VEGFC: variants seen among roughly 807,000 people sequenced by gnomAD.
VEGFC encodes the protein FLT4 ligand DHM.
Under a neutral mutation model 46.1 loss-of-function variants are expected in VEGFC, and 12 were observed. The observed-to-expected ratio is 0.26, with a 90% CI of 0.17 to 0.42. The LOEUF is 0.42. Ranked by LOEUF, VEGFC falls within the 10% of genes least tolerant of loss-of-function variation. The pLI, the probability that VEGFC is intolerant of heterozygous loss-of-function variation, is 1.00. For synonymous variants in VEGFC, 232 were observed against 195.5 expected (o/e 1.19, Z -1.56); for missense variants, 488 against 529.4 (o/e 0.92, Z 0.77).
intron 1 of VEGFC, among the ~76,000 whole-genome samples, chr4:176,751,339 A>G (rs557818602): frequency 4.6e-5 from 7 of 152,122 alleles, no homozygotes; most frequent in Non-Finnish European, 1.0e-4. Context: ...GGCAAAAATC[A>G]TAAGGGACTA....
intron 1 of VEGFC, among the ~76,000 whole-genome samples, chr4:176,773,353 T>C (rs1055845439): frequency 3.9e-5 from 6 of 152,198 alleles, no homozygotes; most frequent in African/African-American, 1.2e-4. Context: ...TTTTAGTTAC[T>C]AGAGAAAAAT....
chr4:176,687,462 G>A lies in VEGFC; in HGVS notation c.870C>T (p.Thr290=), dbSNP rs759858667. 1.9e-6 allele frequency: 3 copies of A among 1,613,788 alleles called. No individual in the cohort carries two copies. Among genetic ancestry groups the A allele is most frequent in the Non-Finnish European group, 2.5e-6 (3 of 1,179,940 alleles). The part of the protein sequence containing the change: ...CGPNKELDEE[T]CQCVCRAGLR... ...GCCCCGCTCTGCAGACACACTGACA[G>A]GTCTCTTCATCCAGCTCCTTGTTTG... is the stretch of plus-strand genomic sequence containing the variant. The change falls in exon 6 of 7, where the codon ACC becomes ACT. Residue 290 remains threonine, a synonymous_variant. Coordinates refer to ENST00000618562, the MANE Select transcript of VEGFC (RefSeq NM_005429.5).
chr4:176,738,285 T>A (rs1735089300), intron 1 of VEGFC, among the ~76,000 whole-genome samples: 1 of 152,032 alleles, frequency 6.6e-6, no homozygotes, highest in Non-Finnish European at 1.5e-5. Context: ...GGCATCACAC[T>A]ACCTGATTTC....
At chr4:176,689,803 A>G (rs570143394) in intron 4 of VEGFC, 26 of 152,372 alleles carry the variant, frequency 1.7e-4, no homozygotes, top group African/African-American at 5.3e-4. Flanking sequence ...GTAACTAGAT[A>G]CAAAGCAACT....
chr4:176,727,744 G>A (rs1347576757), intron 3 of VEGFC, 34 bp downstream of exon 3: 17 of 1,578,178 alleles, frequency 1.1e-5, no homozygotes, highest in Non-Finnish European at 1.3e-5. Flanking sequence ...GATTAAGGGG[G>A]CTCTCGCAGG....
intron 1 of VEGFC, among the ~76,000 whole-genome samples, chr4:176,738,473 T>C (rs1735093397): frequency 6.6e-6 from 1 of 152,086 alleles, no homozygotes; most frequent in African/African-American, 2.4e-5. Flanking sequence ...ATTTAATAAA[T>C]GGTGCTGGGA....
Position 176,735,423 on chromosome 4 carries a change from G to T in VEGFC, c.148-5677C>A, listed in dbSNP as rs577251023. ...TAAAATGACAGCATTCTGACTCATC[G>T]GTCTTTGAACCGATAAGTTTCACTA... On this transcript the variant is annotated intron_variant, in intron 1 of 6. Transcript: ENST00000618562. Among the ~76,000 whole-genome samples, 11 of 151,822 alleles carry T rather than the reference G, an allele frequency of 7.2e-5. No homozygotes were observed. The South Asian group carries it at 1.7e-3, about 23-fold the overall frequency.
rs1467085925 is a variant in VEGFC, at chr4:176,739,999, TCG to T, written c.148-10255_148-10254del. On this transcript the variant is annotated intron_variant, in intron 1 of 6. Coordinates refer to ENST00000618562, the MANE Select transcript of VEGFC (RefSeq NM_005429.5). ...TATATATAACTATATATTCGATATA[TCG>T]AATATATATAACTATATATTCGATA... Among the ~76,000 whole-genome samples the T allele has an allele frequency of 4.7e-3, 100 of 21,394 alleles. 4 individuals carry two copies. The highest frequency in any genetic ancestry group is 0.014 in the South Asian group (4 of 296). The allele number at this position is 21,394 out of a possible 152,430, so 14.0% of individuals were successfully genotyped here.
intron 3 of VEGFC, among the ~76,000 whole-genome samples, chr4:176,722,814 C>T (rs924000167): frequency 3.9e-5 from 6 of 152,016 alleles, no homozygotes; most frequent in Admixed American, 6.6e-5. Flanking sequence ...CTTGCAATTT[C>T]TAAAGCCTAA....
At chr4:176,739,351 AT>A (rs1453753521) in intron 1 of VEGFC, among the ~76,000 whole-genome samples, 1 of 151,864 alleles carries the variant, frequency 6.6e-6, no homozygotes, top group African/African-American at 2.4e-5. Flanking sequence ...ATCATTGCCC[AT>A]CAATGATAGA....
intron 1 of VEGFC, among the ~76,000 whole-genome samples, chr4:176,768,049 C>T (rs73009562): frequency 0.024 from 3,582 of 152,178 alleles, 144 homozygotes; most frequent in African/African-American, 0.082. Flanking sequence ...TTGACCAACT[C>T]GGAGCAATTT....
rs138257760 is a variant in VEGFC at position 176,755,948 on chromosome 4, G to T, written c.148-26202C>A. On this transcript the variant is annotated intron_variant, in intron 1 of 6. Coordinates refer to ENST00000618562, the MANE Select transcript of VEGFC (RefSeq NM_005429.5). ...ATGAATGCTATATTCCTATGCCAGAGATTATTTTATAGATATATTAGTTGA... is the reference window on the plus strand; with the variant it reads ...ATGAATGCTATATTCCTATGCCAGATATTATTTTATAGATATATTAGTTGA... Among the ~76,000 whole-genome samples, 821 of 152,040 alleles carry T rather than the reference G, an allele frequency of 5.4e-3. 6 individuals carry two copies. Among genetic ancestry groups the T allele is most frequent in the African/African-American group, 0.019 (785 of 41,488 alleles).
At chr4:176,713,573 C>T (rs890447706) in intron 3 of VEGFC, among the ~76,000 whole-genome samples, 2 of 152,034 alleles carry the variant, frequency 1.3e-5, no homozygotes, top group Non-Finnish European at 1.5e-5. Flanking sequence ...GAATTTAGGT[C>T]TAGTAGGCAG....
chr4:176,734,318 G>A (rs1455015527), intron 1 of VEGFC, among the ~76,000 whole-genome samples: 2 of 151,682 alleles, frequency 1.3e-5, no homozygotes, highest in Non-Finnish European at 3.0e-5. Flanking sequence ...AAATCCACAT[G>A]GTGTTTGGTT....
At chr4:176,788,591 G>A (rs1736040560) in intron 1 of VEGFC, among the ~76,000 whole-genome samples, 1 of 152,146 alleles carries the variant, frequency 6.6e-6, no homozygotes, top group Admixed American at 6.5e-5. Context: ...AGTACCTGTT[G>A]TTTACTCTCA....
chr4:176,733,975 A>G (rs1044242045), intron 1 of VEGFC, among the ~76,000 whole-genome samples: 12 of 151,956 alleles, frequency 7.9e-5, no homozygotes, highest in African/African-American at 2.9e-4. Flanking sequence ...ACAGGATTTT[A>G]TGAAATTTCT....
At chr4:176,692,056 C>G (rs1193429220) in intron 4 of VEGFC, among the ~76,000 whole-genome samples, 2 of 151,996 alleles carry the variant, frequency 1.3e-5, no homozygotes, top group African/African-American at 4.8e-5. Context: ...CCTGGAAAAT[C>G]GGGTCACTCC....
intron 1 of VEGFC, among the ~76,000 whole-genome samples, chr4:176,763,993 T>A (rs1182898964): frequency 6.6e-6 from 1 of 152,060 alleles, no homozygotes; most frequent in Non-Finnish European, 1.5e-5. Flanking sequence ...AACGGCACAA[T>A]AATTATCAAG....
At chr4:176,761,456 TAA>T (rs766184607) in intron 1 of VEGFC, among the ~76,000 whole-genome samples, 1 of 152,222 alleles carries the variant, frequency 6.6e-6, no homozygotes, top group Non-Finnish European at 1.5e-5. Flanking sequence ...ACAGTTTTAT[TAA>T]GATTACAGGA....
Sources: gnomAD v4.1 joint callset for allele counts (sites outside exome capture counted in the v4.1 genomes callset) on GRCh38, gnomAD v4.1.1 for gene constraint, MANE v1.5 for transcripts, NCBI Gene and HGNC (gene_info 2026-07-23, HGNC 2026-07-21) for gene names.